The following CUBN variants were observed in gnomAD, a reference collection of about 807,000 sequenced individuals.
CUBN encodes the protein cubilin.
Under a neutral mutation model 405.3 loss-of-function variants are expected in CUBN, and 282 were observed. The ratio of observed to expected loss-of-function variants is 0.70; its 90% CI spans 0.63 to 0.77. CUBN has a LOEUF of 0.77. Ranked by LOEUF, CUBN falls within the 30% of genes least tolerant of loss-of-function variation. The pLI, the probability that CUBN is intolerant of heterozygous loss-of-function variation, is 0.00. For missense variants in CUBN, 4,514 were observed against 4,475.2 expected, an observed-to-expected ratio of 1.01 and a Z score of -0.25; for synonymous variants, 1,684 against 1,617.0, an observed-to-expected ratio of 1.04 and a Z score of -0.99.
rs555291524 is a variant in CUBN at position 17,091,364 on chromosome 10, G to A, written c.1766-3019C>T. Among the ~76,000 whole-genome samples, 433 of 150,384 alleles carry A rather than the reference G, an allele frequency of 2.9e-3. 2 individuals carry two copies. The highest frequency in any genetic ancestry group is 1.0e-2 in the African/African-American group (408 of 40,824). ...AAATGGAATAAGTGACCATTTTGAAGAATGCTAAGGAACCAAGTTATTAAT... is the reference window on the plus strand; with the variant it reads ...AAATGGAATAAGTGACCATTTTGAAAAATGCTAAGGAACCAAGTTATTAAT... On this transcript the variant is annotated intron_variant, in intron 14 of 66. Coordinates refer to ENST00000377833, the MANE Select transcript of CUBN (RefSeq NM_001081.4).
At position 16,950,119 on chromosome 10, in the gene CUBN, A is replaced by G. The variant is rs1159244761; in HGVS notation, c.4970-8T>C. ...AGAGGGTGATATGATTTACTGGAAG[A>G]AAAAAGAGAAGACTCTCTCGTAAAG... On this transcript the variant is annotated splice_region_variant and splice_polypyrimidine_tract_variant and intron_variant, in intron 33 of 66. Transcript: ENST00000377833. 1.2e-6 allele frequency: 2 copies of G among 1,600,118 alleles called. No homozygotes were observed. Among genetic ancestry groups the G allele is most frequent in the Admixed American group, 3.3e-5 (2 of 59,862 alleles).
At chr10:16,950,361 A>C (rs913401118) in intron 33 of CUBN, among the ~76,000 whole-genome samples, 66 of 152,240 alleles carry the variant, frequency 4.3e-4, no homozygotes, top group African/African-American at 1.5e-3. Context: ...TGGATACCCC[A>C]TTTCCATGAT....
chr10:16,866,077 G>C (rs543791391), intron 59 of CUBN, among the ~76,000 whole-genome samples: 2 of 152,060 alleles, frequency 1.3e-5, no homozygotes, highest in African/African-American at 4.8e-5. Context: ...GTCTCTCCTT[G>C]GCAACTCACT....
At chr10:16,965,079 T>C (rs577141730) in intron 31 of CUBN, among the ~76,000 whole-genome samples, 1 of 152,284 alleles carries the variant, frequency 6.6e-6, no homozygotes, top group African/African-American at 2.4e-5. Context: ...CTGCTACATG[T>C]AGTGGATCAG....
chr10:16,839,468 CTCA>C (rs930391831), intron 62 of CUBN, among the ~76,000 whole-genome samples: 9 of 151,200 alleles, frequency 6.0e-5, no homozygotes, highest in African/African-American at 2.2e-4. Context: ...TGAAAAAATG[CTCA>C]TCATCACTAG....
intron 17 of CUBN, among the ~76,000 whole-genome samples, chr10:17,083,640 G>A (rs973509671): frequency 1.3e-5 from 2 of 152,090 alleles, no homozygotes; most frequent in African/African-American, 4.8e-5. Context: ...AGAAAGAAGA[G>A]GACAGGAGGT....
At chr10:16,858,290 A>G (rs1839919173) in intron 59 of CUBN, among the ~76,000 whole-genome samples, 1 of 152,192 alleles carries the variant, frequency 6.6e-6, no homozygotes, top group African/African-American at 2.4e-5. Context: ...TTTTCTGCAA[A>G]CATCAAAAAG....
intron 28 of CUBN, among the ~76,000 whole-genome samples, chr10:16,991,323 T>G (rs1011569624): frequency 1.3e-5 from 2 of 152,204 alleles, no homozygotes; most frequent in Non-Finnish European, 2.9e-5. Flanking sequence ...AATTCTTAAA[T>G]GAGCAAATCA....
At chr10:17,097,271 C>T (rs189417658) in intron 14 of CUBN, among the ~76,000 whole-genome samples, 73 of 152,008 alleles carry the variant, frequency 4.8e-4, no homozygotes, top group African/African-American at 1.7e-3. Context: ...CACTACAGAG[C>T]CTACGAACAC....
At chr10:16,932,408 A>C (rs1842387219) in intron 40 of CUBN, among the ~76,000 whole-genome samples, 2 of 152,282 alleles carry the variant, frequency 1.3e-5, no homozygotes, top group South Asian at 2.1e-4. Context: ...CAGTCCATGC[A>C]GACTGTGAAG....
chr10:17,055,846 A>G (rs1263877659), intron 22 of CUBN, among the ~76,000 whole-genome samples: 1 of 152,066 alleles, frequency 6.6e-6, no homozygotes, highest in East Asian at 1.9e-4. Context: ...TTTATCCCCA[A>G]ATTGGTCTGT....
At chr10:17,052,483 G>A (rs1473675545) in intron 22 of CUBN, among the ~76,000 whole-genome samples, 2 of 150,174 alleles carry the variant, frequency 1.3e-5, no homozygotes, top group Non-Finnish European at 3.0e-5. Context: ...TAGGCTGGGT[G>A]CGGTGGCTCA....
chr10:16,928,184 C>T lies in CUBN; in HGVS notation c.6244G>A (p.Ala2082Thr), dbSNP rs1340099685. Residue 2082 changes from alanine to threonine, a missense_variant, in exon 41 of 67, where the codon GCA (alanine) becomes ACA (threonine). Around this residue, in one of 5 missense-constraint regions of CUBN, gnomAD observed 1,613 missense variants for 1,542.8 expected, o/e 1.05. Transcript: ENST00000377833. The stretch of plus-strand genomic sequence containing the variant: ...TTGTGAAAGGATGCATTGAAGCCTG[C>T]CCTGGTTACACTGGAGTCCGAGGTG... ...RFTSDSSVTR[A>T]GFNASFHKSC... is the part of the protein sequence containing the mutation. The T allele has an allele frequency of 6.2e-6, 10 of 1,613,758 alleles. No homozygotes were observed. Among genetic ancestry groups the T allele is most frequent in the Non-Finnish European group, 7.6e-6 (9 of 1,179,868 alleles).
intron 27 of CUBN, among the ~76,000 whole-genome samples, chr10:17,035,795 T>G (rs1176036348): frequency 1.3e-5 from 2 of 151,448 alleles, no homozygotes. Flanking sequence ...TGAGAACACA[T>G]GGACACAGGA....
intron 29 of CUBN, among the ~76,000 whole-genome samples, chr10:16,987,271 A>T (rs1833453801): frequency 6.6e-6 from 1 of 152,240 alleles, no homozygotes; most frequent in Non-Finnish European, 1.5e-5. Flanking sequence ...CAAAAGAAGA[A>T]AAAGATGGAA....
intron 17 of CUBN, among the ~76,000 whole-genome samples, chr10:17,077,728 T>C (rs567333260): frequency 6.6e-6 from 1 of 152,206 alleles, no homozygotes; most frequent in Admixed American, 6.5e-5. Context: ...TGGGCTAATC[T>C]GGGTGAGCAG....
chr10:16,878,367 T>A (rs1342421704), intron 56 of CUBN, among the ~76,000 whole-genome samples: 1 of 152,240 alleles, frequency 6.6e-6, no homozygotes, highest in Admixed American at 6.5e-5. Flanking sequence ...AATATATTAA[T>A]GCCTATATCA....
intron 27 of CUBN, among the ~76,000 whole-genome samples, chr10:17,033,518 G>T (rs1834827100): frequency 6.6e-6 from 1 of 152,198 alleles, no homozygotes; most frequent in South Asian, 2.1e-4. Context: ...AAGGAATGAA[G>T]AATGCATATT....
intron 6 of CUBN, among the ~76,000 whole-genome samples, chr10:17,117,363 A>C (rs560470288): frequency 1.3e-5 from 2 of 152,034 alleles, no homozygotes; most frequent in South Asian, 2.1e-4. Context: ...ATGTTTAAGA[A>C]TCTTTTTTAT....
Sources: allele counts gnomAD v4.1 joint callset (sites outside exome capture counted in the v4.1 genomes callset), GRCh38; gene constraint gnomAD v4.1.1; regional missense constraint gnomAD v4.1.1; transcripts MANE v1.5; gene names NCBI Gene and HGNC (gene_info 2026-07-23, HGNC 2026-07-21).